VXN: variants seen among roughly 807,000 people sequenced by gnomAD.
VXN encodes the protein uncharacterized protein C8orf46.
Under a neutral mutation model 23.1 loss-of-function variants are expected in VXN, and 7 were observed. That is an observed-to-expected ratio of 0.30 (90% confidence interval 0.17 to 0.57). The LOEUF is 0.57. Ranked by LOEUF, VXN falls within the 20% of genes least tolerant of loss-of-function variation. The probability of loss-of-function intolerance (pLI) is 0.91; values close to 1 mark genes in which losing one functional copy is unlikely to be tolerated. For missense variants in VXN, 238 were observed against 272.6 expected, an observed-to-expected ratio of 0.87 and a Z score of 0.89; for synonymous variants, 120 against 105.8, an observed-to-expected ratio of 1.13 and a Z score of -0.83.
intron 3 of VXN, among the ~76,000 whole-genome samples, chr8:66,508,755 T>A (rs965802727): frequency 6.6e-6 from 1 of 152,188 alleles, no homozygotes; most frequent in African/African-American, 2.4e-5. Context: ...CTGTTATGTA[T>A]CTCTAAAGCC....
chr8:66,507,490 CT>C (rs1341197656), intron 3 of VXN, among the ~76,000 whole-genome samples: 1 of 152,206 alleles, frequency 6.6e-6, no homozygotes, highest in Non-Finnish European at 1.5e-5. Flanking sequence ...AATCTCCGGT[CT>C]TTTGATTCCC....
chr8:66,509,762 G>A (rs1586521247), intron 3 of VXN, among the ~76,000 whole-genome samples: 1 of 152,154 alleles, frequency 6.6e-6, no homozygotes, highest in Non-Finnish European at 1.5e-5. Flanking sequence ...CAGCAAAATT[G>A]AGCTGAAGGT....
In VXN at chr8:66,496,444, T is replaced by A. The variant is rs780866776; in HGVS notation, c.78T>A (p.Ser26Arg). Residue 26 changes from serine to arginine, a missense_variant, in exon 2 of 6, where the codon AGT becomes AGA. By Grantham distance (110) the Ser-to-Arg change is moderately radical (BLOSUM62 -1). Transcript: ENST00000305454. ...FTTVIPSKVS[S>R]PARRRAKSSQ... ...TTCTCTCTGTCTTTGCAGTATCCAG[T>A]CCAGCCAGAAGAAGAGCCAAAAGCT... is the stretch of plus-strand genomic sequence containing the variant. 1.2e-6 allele frequency: 2 copies of A among 1,614,044 alleles called. No individual in the cohort carries two copies. The highest frequency in any genetic ancestry group is 1.7e-6 in the Non-Finnish European group (2 of 1,179,992).
chr8:66,515,992 C>G lies in VXN; in HGVS notation c.540C>G (p.Pro180=), dbSNP rs768209161. The change falls in exon 6 of 6, where the codon CCC becomes CCG. Residue 180 remains proline, a synonymous_variant. Transcript: ENST00000305454. ...PLTGSASCGV[P]GILRKMWTRH... The stretch of plus-strand genomic sequence containing the variant: ...CAGGCAGTGCTTCCTGCGGCGTCCC[C>G]GGCATCCTCCGGAAAATGTGGACAA... The G allele has an allele frequency of 6.2e-7, 1 of 1,613,782 alleles. No individual in the cohort carries two copies. Among genetic ancestry groups the G allele is most frequent in the Non-Finnish European group, 8.5e-7 (1 of 1,179,936 alleles).
At chr8:66,497,877 T>A (rs1807643654) in intron 2 of VXN, among the ~76,000 whole-genome samples, 1 of 151,706 alleles carries the variant, frequency 6.6e-6, no homozygotes, top group East Asian at 2.0e-4. Flanking sequence ...GTCAAAAAAT[T>A]AGCCAGGCGG....
chr8:66,500,993 C>A lies in VXN; in HGVS notation c.127-4382C>A, dbSNP rs999291318. Among the ~76,000 whole-genome samples the A allele has an allele frequency of 5.9e-5, 9 of 151,802 alleles. No homozygotes were observed. The East Asian group carries it at 1.6e-3, about 26-fold the overall frequency. ...GGTTCAAGCGATTCTCCTGCCTCAG[C>A]CTCCAAGTAGCTGGGACTACAGGTG... On this transcript the variant is annotated intron_variant, in intron 2 of 5. Coordinates refer to ENST00000305454, the MANE Select transcript of VXN (RefSeq NM_152765.4).
intron 3 of VXN, among the ~76,000 whole-genome samples, chr8:66,506,973 C>A (rs1306418305): frequency 6.6e-6 from 1 of 152,098 alleles, no homozygotes; most frequent in South Asian, 2.1e-4. Flanking sequence ...GAATATTTAT[C>A]TTTTCTATAA....
intron 4 of VXN, among the ~76,000 whole-genome samples, chr8:66,511,251 T>C (rs1807820619): frequency 6.6e-6 from 1 of 152,212 alleles, no homozygotes; most frequent in South Asian, 2.1e-4. Flanking sequence ...CAGCAGTGGC[T>C]GGAGGTGAGG....
intron 3 of VXN, among the ~76,000 whole-genome samples, chr8:66,509,430 G>C (rs556083968): frequency 6.6e-6 from 1 of 152,154 alleles, no homozygotes; most frequent in Non-Finnish European, 1.5e-5. Flanking sequence ...CATACATCTC[G>C]TAAAGCCAGT....
chr8:66,505,196 T>A, intron 2 of VXN, 179 bp from the exon 3 acceptor site: 1 of 846,476 alleles, frequency 1.2e-6, no homozygotes, highest in Non-Finnish European at 1.9e-6. Context: ...AATAAAACAG[T>A]CACTTCTGGC....
At chr8:66,496,295 G>C in intron 1 of VXN, 142 bp from the exon 2 acceptor site, 1 of 697,266 alleles carries the variant, frequency 1.4e-6, no homozygotes, top group Non-Finnish European at 2.5e-6. Flanking sequence ...ATCTTCAATC[G>C]CAACGACCCT....
intron 2 of VXN, among the ~76,000 whole-genome samples, chr8:66,503,836 G>A (rs941635453): frequency 7.9e-5 from 12 of 152,208 alleles, no homozygotes; most frequent in African/African-American, 1.4e-4. Flanking sequence ...CCATTCAGCC[G>A]TCTGTTCCCT....
intron 4 of VXN, among the ~76,000 whole-genome samples, chr8:66,512,844 A>G (rs1807840088): frequency 6.6e-6 from 1 of 151,666 alleles, no homozygotes; most frequent in Non-Finnish European, 1.5e-5. Context: ...CGCTGCTGGG[A>G]GCAGAGCTAC....
chr8:66,494,197 G>C (rs1219595857), intron 1 of VXN, among the ~76,000 whole-genome samples: 1 of 152,162 alleles, frequency 6.6e-6, no homozygotes, highest in Non-Finnish European at 1.5e-5. Flanking sequence ...AGAGCGCCCT[G>C]ACCCTGGGCT....
intron 4 of VXN, among the ~76,000 whole-genome samples, chr8:66,512,862 C>A (rs1397163156): frequency 6.6e-6 from 1 of 152,176 alleles, no homozygotes; most frequent in East Asian, 1.9e-4. Context: ...TACTGACACA[C>A]GGGACCAATG....
chr8:66,495,863 CT>C (rs1269191209), intron 1 of VXN, among the ~76,000 whole-genome samples: 1 of 152,186 alleles, frequency 6.6e-6, no homozygotes, highest in Non-Finnish European at 1.5e-5. Flanking sequence ...CATCCTAGCA[CT>C]TCTTCATTAT....
chr8:66,515,961 C>T lies in VXN; in HGVS notation c.509C>T (p.Pro170Leu), dbSNP rs370365687. 1.9e-6 allele frequency: 3 copies of T among 1,613,752 alleles called. No individual in the cohort carries two copies. The highest frequency in any genetic ancestry group is 2.2e-5 in the East Asian group (1 of 44,860). ...ALPQGAEASL[P>L]LTGSASCGVP... ...CCCCAAGGAGCAGAAGCCTCTCTAC[C>T]ACTGACAGGCAGTGCTTCCTGCGGC... The change falls in exon 6 of 6, where the codon CCA becomes CTA. Residue 170 changes from proline (P) to leucine (L), a missense_variant. Around this residue, in one of 2 missense-constraint regions of VXN, gnomAD observed 223 missense variants for 236.9 expected, o/e 0.94. Transcript: ENST00000305454.
intron 1 of VXN, among the ~76,000 whole-genome samples, chr8:66,495,933 C>G (rs759350186): frequency 6.6e-6 from 1 of 152,210 alleles, no homozygotes; most frequent in Non-Finnish European, 1.5e-5. Context: ...CTTCCAGCCA[C>G]CAGTAACCAC....
chr8:66,513,477 C>T, intron 4 of VXN, 63 bp from the exon 5 acceptor site: 1 of 1,359,608 alleles, frequency 7.4e-7, no homozygotes, highest in Admixed American at 1.7e-5. Flanking sequence ...CAGACAGCCT[C>T]AGTCAGGGCC....
Sources: gnomAD v4.1 joint callset for allele counts (sites outside exome capture counted in the v4.1 genomes callset) on GRCh38, gnomAD v4.1.1 for gene constraint, gnomAD v4.1.1 regional missense constraint, MANE v1.5 for transcripts, NCBI Gene and HGNC (gene_info 2026-07-23, HGNC 2026-07-21) for gene names.